Variants in RNFT2 observed in about 807,000 individuals in gnomAD.
RNFT2 encodes E3 ubiquitin-protein ligase RNFT2.
A neutral mutation model predicts 53.0 loss-of-function variants in RNFT2; 36 were observed. The ratio of observed to expected loss-of-function variants is 0.68; its 90% confidence interval spans 0.52 to 0.90. RNFT2 has a LOEUF of 0.90. Ranked by LOEUF, RNFT2 falls within the 40% of genes least tolerant of loss-of-function variation. The probability of loss-of-function intolerance (pLI) is 0.00; values close to 1 mark genes in which losing one functional copy is unlikely to be tolerated. For missense variants in RNFT2, 514 were observed against 585.6 expected (o/e 0.88, Z 1.26); for synonymous variants, 260 against 253.2 (o/e 1.03, Z -0.26).
intron 9 of RNFT2, 48 bp downstream of exon 9, chr12:116,836,073 C>A (rs765352102): frequency 4.5e-5 from 73 of 1,609,726 alleles, no homozygotes; most frequent in Non-Finnish European, 5.8e-5. Context: ...GAATCAGGAA[C>A]TGGAAACAGC....
intron 3 of RNFT2, among the ~76,000 whole-genome samples, chr12:116,741,483 G>T (rs959566779): frequency 6.6e-5 from 10 of 152,166 alleles, no homozygotes; most frequent in African/African-American, 2.4e-4. Context: ...TCTGCGAAAG[G>T]CCCACTTTCT....
rs531693676 is a variant in RNFT2, at chr12:116,843,173, G to A, written c.1201-6141G>A. On this transcript the variant is annotated intron_variant, in intron 10 of 10. Coordinates refer to ENST00000257575, the MANE Select transcript of RNFT2 (RefSeq NM_001382266.1). ...TGGTTTAACCCCAATTCTGTGCTTC[G>A]GGAGGCACGACCAGGGGGCAGTTAA... Among the ~76,000 whole-genome samples the A allele has an allele frequency of 2.2e-3, 338 of 152,148 alleles. 2 individuals are homozygous for A. Among genetic ancestry groups the A allele is most frequent in the Middle Eastern group, 6.8e-3 (2 of 294 alleles).
chr12:116,741,147 G>A, intron 3 of RNFT2, 53 bp downstream of exon 3: 1 of 1,467,774 alleles, frequency 6.8e-7, no homozygotes, highest in Non-Finnish European at 9.4e-7. Flanking sequence ...CGGGTGGTGA[G>A]GGGCAACCCA....
chr12:116,833,767 A>G (rs955373794), intron 7 of RNFT2, 25 bp from the exon 8 acceptor site: 36 of 1,610,534 alleles, frequency 2.2e-5, no homozygotes, highest in Admixed American at 3.4e-5. Context: ...GCTAATAATA[A>G]TTGATGTTCT....
intron 7 of RNFT2, among the ~76,000 whole-genome samples, chr12:116,779,716 C>T (rs1036881644): frequency 4.6e-5 from 7 of 152,182 alleles, no homozygotes; most frequent in African/African-American, 9.7e-5. Flanking sequence ...TTTGACTCTT[C>T]GTGGCTTCCA....
At chr12:116,787,691 C>T (rs1402173657) in intron 7 of RNFT2, among the ~76,000 whole-genome samples, 1 of 143,944 alleles carries the variant, frequency 6.9e-6, no homozygotes, top group Admixed American at 7.1e-5. Context: ...TCAGCCTGGG[C>T]AATAGAGGGA....
In RNFT2 at chr12:116,751,408, G is replaced by A. The variant is rs557507689; in HGVS notation, c.550+1101G>A. Among the ~76,000 whole-genome samples, 207 of 151,876 alleles carry A rather than the reference G, an allele frequency of 1.4e-3. 1 individual carries two copies. The highest frequency in any genetic ancestry group is 4.9e-3 in the African/African-American group (201 of 41,434). The stretch of plus-strand genomic sequence containing the variant: ...ATTGGCCTCTAGTATACTGTTTTCT[G>A]TTTGTTTGTTTTGACATGGAGTTTT... On this transcript the variant is annotated intron_variant, in intron 4 of 10. Coordinates refer to ENST00000257575, the MANE Select transcript of RNFT2 (RefSeq NM_001382266.1).
chr12:116,749,831 TG>T lies in RNFT2; in HGVS notation c.84-8del, dbSNP rs1872087203. The T allele has an allele frequency of 6.4e-7, 1 of 1,564,728 alleles. No homozygotes were observed. Among genetic ancestry groups the T allele is most frequent in the East Asian group, 2.4e-5 (1 of 42,216 alleles). ...TGACTTCCTGGGGTTTCTCTCCCCT[TG>T]GCACCCAGAAACCGCAGCCAGGCGC... On this transcript the variant is annotated splice_polypyrimidine_tract_variant and intron_variant, in intron 3 of 10. Coordinates refer to ENST00000257575, the MANE Select transcript of RNFT2 (RefSeq NM_001382266.1).
intron 7 of RNFT2, among the ~76,000 whole-genome samples, chr12:116,792,024 C>T (rs1050076161): frequency 3.0e-4 from 46 of 152,120 alleles, no homozygotes; most frequent in Non-Finnish European, 1.2e-4. Context: ...CGGTCCTTCC[C>T]GTGTATGTTC....
At chr12:116,779,023 C>T (rs1250118495) in intron 6 of RNFT2, among the ~76,000 whole-genome samples, 172 bp from the exon 7 acceptor site, 2 of 152,212 alleles carry the variant, frequency 1.3e-5, no homozygotes, top group African/African-American at 2.4e-5. Flanking sequence ...AAAAGATCCA[C>T]GTGAGGTCAC....
intron 6 of RNFT2, among the ~76,000 whole-genome samples, chr12:116,769,032 T>C (rs1873051972): frequency 1.3e-5 from 2 of 152,050 alleles, no homozygotes; most frequent in East Asian, 2.0e-4. Flanking sequence ...TGCCCACCCA[T>C]TGTCATTTTA....
intron 7 of RNFT2, among the ~76,000 whole-genome samples, chr12:116,825,894 A>C (rs1555209120): frequency 6.6e-6 from 1 of 152,174 alleles, no homozygotes; most frequent in Non-Finnish European, 1.5e-5. Context: ...TTAAACCACT[A>C]GGCTGTCCTG....
intron 7 of RNFT2, among the ~76,000 whole-genome samples, chr12:116,808,453 A>G (rs1875192185): frequency 6.6e-6 from 1 of 151,510 alleles, no homozygotes; most frequent in Non-Finnish European, 1.5e-5. Flanking sequence ...CCCCTGGGAG[A>G]CTCCCAAAGG....
chr12:116,759,481 T>A (rs895270507), intron 5 of RNFT2, among the ~76,000 whole-genome samples: 4 of 152,204 alleles, frequency 2.6e-5, no homozygotes, highest in African/African-American at 9.7e-5. Context: ...CCTTCTCATT[T>A]GGGTAGACTC....
At chr12:116,837,481 G>A (rs1188171841) in intron 10 of RNFT2, among the ~76,000 whole-genome samples, 2 of 152,198 alleles carry the variant, frequency 1.3e-5, no homozygotes, top group Admixed American at 6.5e-5. Context: ...CTTACGGGTA[G>A]GGGGATAGAA....
intron 10 of RNFT2, among the ~76,000 whole-genome samples, chr12:116,848,623 A>T (rs575296209): frequency 6.6e-6 from 1 of 152,128 alleles, no homozygotes; most frequent in South Asian, 2.1e-4. Flanking sequence ...CCGCACATCA[A>T]ACACAGTCCA....
chr12:116,806,853 C>T (rs964055531), intron 7 of RNFT2, among the ~76,000 whole-genome samples: 3 of 151,860 alleles, frequency 2.0e-5, no homozygotes, highest in Non-Finnish European at 2.9e-5. Flanking sequence ...TTAATCCTTA[C>T]ATTCAGTGAA....
chr12:116,833,719 G>A, intron 7 of RNFT2, 73 bp from the exon 8 acceptor site: 1 of 1,540,120 alleles, frequency 6.5e-7, no homozygotes, highest in Non-Finnish European at 8.9e-7. Context: ...ACTGCCCGGG[G>A]CGGGGGGCCC....
intron 7 of RNFT2, among the ~76,000 whole-genome samples, chr12:116,813,569 A>C (rs1490547901): frequency 6.6e-6 from 1 of 152,208 alleles, no homozygotes; most frequent in African/African-American, 2.4e-5. Context: ...TTGTGAATGC[A>C]TCATGTGATG....
Sources: allele counts gnomAD v4.1 joint callset (sites outside exome capture counted in the v4.1 genomes callset), GRCh38; gene constraint gnomAD v4.1.1; transcripts MANE v1.5; gene names NCBI Gene and HGNC (gene_info 2026-07-23, HGNC 2026-07-21).